SNRNP35: variants seen among roughly 807,000 people sequenced by gnomAD.
SNRNP35 encodes the protein U11/U12 small nuclear ribonucleoprotein 35 kDa protein.
In SNRNP35, 16 loss-of-function variants were observed where a neutral mutation model predicts 24.3. The ratio of observed to expected loss-of-function variants is 0.66; its 90% CI spans 0.45 to 1.00. SNRNP35 has a LOEUF of 1.00. SNRNP35 is among the 50% of genes least tolerant of loss of function. The pLI is 0.00. For missense variants in SNRNP35, 292 were observed against 327.2 expected, an observed-to-expected ratio of 0.89 and a Z score of 0.83; for synonymous variants, 106 against 124.8, an observed-to-expected ratio of 0.85 and a Z score of 1.00.
Position 123,460,982 on chromosome 12 carries a change from T to TTTTA in SNRNP35, c.-4+2766_-4+2767insTTTA, listed in dbSNP as rs1555262400. ...TTTTTTTTTTTTTTTTTTTTTTTTT[T>TTTTA]AAAAACAGAGACAGGGTCTCACCAT... is the stretch of plus-strand genomic sequence containing the variant. On this transcript the variant is annotated intron_variant, in intron 1 of 1. Transcript: ENST00000526639. 2.4e-5 allele frequency among the ~76,000 whole-genome samples: 3 copies of TTTTA among 125,492 alleles called. 1 individual carries two copies. Among genetic ancestry groups the TTTTA allele is most frequent in the Non-Finnish European group, 5.2e-5 (3 of 57,886 alleles). The allele number at this position is 125,492 out of a possible 152,430, so 82.3% of individuals were successfully genotyped here. A position where few individuals can be genotyped will look rare whatever the true frequency, so the allele number is the denominator to read the frequency against.
At position 123,458,144 on chromosome 12, in the gene SNRNP35, C is replaced by T. The variant is rs968789596; in HGVS notation, c.-76C>T. 1.0e-6 allele frequency: 1 copy of T among 985,252 alleles called. No individual in the cohort carries two copies. The highest frequency in any genetic ancestry group is 1.7e-5 in the African/African-American group (1 of 57,232). 61.0% of individuals were successfully genotyped at this position (985,252 alleles called of 1,614,324 possible). On this transcript the variant is annotated 5_prime_UTR_variant, in exon 1 of 2. Transcript: ENST00000526639. The stretch of plus-strand genomic sequence containing the variant: ...ACCAATGTAAAGGTCAGGCCGAGGC[C>T]GGCGCGGAGAATCTGCTGTCGCCTG...
At chr12:123,469,346 G>A (rs1266922756), downstream of SNRNP35, among the ~76,000 whole-genome samples, 3 of 152,042 alleles carry the variant, frequency 2.0e-5, no homozygotes, top group Non-Finnish European at 4.4e-5. Context: ...GTAGAGATGG[G>A]ATTTCTCTAT....
Position 123,458,222 on chromosome 12 carries a change from T to C in SNRNP35, c.-4+6T>C, listed in dbSNP as rs1246384656. Reference sequence around the variant, plus strand: ...GGAGCCCAAGCTTTGCAGAGGTGAGTGGAAGCGGCTTGGAAGGAGCGGGCC... The same window carrying C: ...GGAGCCCAAGCTTTGCAGAGGTGAGCGGAAGCGGCTTGGAAGGAGCGGGCC... On this transcript the variant is annotated splice_donor_region_variant and intron_variant, in intron 1 of 1. Coordinates refer to ENST00000526639, the MANE Select transcript of SNRNP35 (RefSeq NM_022717.4). The C allele has an allele frequency of 8.1e-6, 8 of 985,074 alleles. No homozygotes were observed. The South Asian group carries it at 1.9e-4, about 23-fold the overall frequency. The allele number at this position is 985,074 out of a possible 1,614,324, so 61.0% of individuals were successfully genotyped here.
At chr12:123,472,913 T>C in exon 2 of SNRNP35, 1 of 505,932 alleles carries the variant, frequency 2.0e-6, no homozygotes. Flanking sequence ...GGGCAAGGCA[T>C]GCATGCTGAT....
intron 1 of SNRNP35, among the ~76,000 whole-genome samples, chr12:123,458,543 G>C (rs1369842311): frequency 1.3e-5 from 2 of 151,978 alleles, no homozygotes; most frequent in Non-Finnish European, 2.9e-5. Flanking sequence ...GCCCTGGAGG[G>C]CTCTGTGGGT....
chr12:123,469,265 C>T (rs540908016), downstream of SNRNP35, among the ~76,000 whole-genome samples: 2 of 152,142 alleles, frequency 1.3e-5, no homozygotes, highest in South Asian at 4.2e-4. Context: ...AGCGATTCTC[C>T]TGCCTCAGCC....
Position 123,465,973 on chromosome 12 carries a change from G to GGGGGAAAAAAGGAGTCT in SNRNP35, c.437_453dup (p.Gln152GlufsTer8), listed in dbSNP as rs1566105542. ...CCCTCGGCGACTTGGAGGCGGTCTTGGGGGAAAAAAGGAGTCTGGGCAACT... is the reference window on the plus strand; with the variant it reads ...CCCTCGGCGACTTGGAGGCGGTCTTGGGGGAAAAAAGGAGTCTGGGGAAAAAAGGAGTCTGGGCAACT... On this transcript the variant is annotated frameshift_variant, in exon 2 of 2. Transcript: ENST00000526639. LOFTEE classifies it high-confidence loss of function. This position sits in a 1 kb window ranked among gnomAD's most constrained non-coding sequence, Gnocchi z 4.2. The GGGGGAAAAAAGGAGTCT allele has an allele frequency of 1.9e-6, 3 of 1,613,984 alleles. No individual in the cohort carries two copies. The highest frequency in any genetic ancestry group is 1.7e-5 in the Admixed American group (1 of 59,960).
At position 123,465,874 on chromosome 12, in the gene SNRNP35, G is replaced by A. The variant is rs774891116; in HGVS notation, c.334G>A (p.Ala112Thr). ...TGCCGTGATCAAAGCTTACCGAGAT[G>A]CTGATGGCCTGGTTATTGACCAGCA... ...ERAVIKAYRD[A>T]DGLVIDQHEI... Residue 112 changes from alanine to threonine, a missense_variant, in exon 2 of 2, where the codon GCT becomes ACT. Ala to Thr is a moderately conservative substitution (Grantham distance 58). Transcript: ENST00000526639. The surrounding 1 kb of genome is among the most constrained non-coding windows in gnomAD (Gnocchi z 4.2). The A allele has an allele frequency of 1.6e-5, 26 of 1,613,964 alleles. No homozygotes were observed. The Admixed American group carries it at 4.2e-4, about 26-fold the overall frequency.
downstream of SNRNP35, among the ~76,000 whole-genome samples, chr12:123,467,322 C>G (rs914259554): frequency 4.6e-5 from 7 of 152,158 alleles, no homozygotes; most frequent in African/African-American, 1.7e-4. Flanking sequence ...AATTAAAAAC[C>G]AAAGTTGCTG....
In SNRNP35 at chr12:123,466,583, C is replaced by G. The variant is rs146152785; in HGVS notation, c.*302C>G. 1,518 of 205,606 alleles carry G rather than the reference C, an allele frequency of 7.4e-3. 12 individuals are homozygous for G. Among genetic ancestry groups the G allele is most frequent in the African/African-American group, 0.025 (1,062 of 42,462 alleles). 12.7% of individuals were successfully genotyped at this position (205,606 alleles called of 1,614,324 possible). On this transcript the variant is annotated 3_prime_UTR_variant, in exon 2 of 2. Coordinates refer to ENST00000526639, the MANE Select transcript of SNRNP35 (RefSeq NM_022717.4). ...TTTTTTTTTGAGACAGAGTCTCACT[C>G]TGTTGCCAGGGCTGGAGTGCAGTGG...
chr12:123,461,329 T>G (rs1306075272), intron 1 of SNRNP35, among the ~76,000 whole-genome samples: 1 of 149,230 alleles, frequency 6.7e-6, no homozygotes, highest in Non-Finnish European at 1.5e-5. Context: ...GGTTTCACTG[T>G]GTTAGCCAGG....
intron 1 of SNRNP35, among the ~76,000 whole-genome samples, chr12:123,463,681 T>G (rs1167832488): frequency 1.3e-5 from 2 of 152,108 alleles, no homozygotes; most frequent in African/African-American, 4.8e-5. Flanking sequence ...ATTACAGGCG[T>G]GAGCTACCGC....
chr12:123,462,805 G>C (rs989579331), intron 1 of SNRNP35, among the ~76,000 whole-genome samples: 12 of 151,860 alleles, frequency 7.9e-5, no homozygotes, highest in African/African-American at 2.9e-4. Context: ...CAGAGGTCTT[G>C]AGTGCAGTGT....
At chr12:123,464,564 A>G (rs1190268661) in intron 1 of SNRNP35, 3 of 152,254 alleles carry the variant, frequency 2.0e-5, no homozygotes, top group Admixed American at 6.5e-5. Context: ...TTTAAGTAAC[A>G]TATTTCAGCA....
intron 1 of SNRNP35, chr12:123,464,872 T>A (rs1471722213): frequency 6.6e-6 from 1 of 152,258 alleles, no homozygotes; most frequent in Non-Finnish European, 1.5e-5. Context: ...TACTACAGAA[T>A]GGTGCATCCA....
downstream of SNRNP35, among the ~76,000 whole-genome samples, chr12:123,468,888 T>G (rs752408417): frequency 7.6e-4 from 115 of 152,270 alleles, 3 homozygotes; most frequent in Middle Eastern, 0.01. Context: ...CTGTAGACTT[T>G]TGTGTGTGTG....
downstream of SNRNP35, among the ~76,000 whole-genome samples, chr12:123,467,681 G>A (rs1002216152): frequency 2.6e-5 from 4 of 152,134 alleles, no homozygotes; most frequent in African/African-American, 7.2e-5. Flanking sequence ...CTAGGTTTTC[G>A]CATAGGAGTA....
At chr12:123,460,981 T>TA (rs1880585551) in intron 1 of SNRNP35, among the ~76,000 whole-genome samples, 6 of 142,736 alleles carry the variant, frequency 4.2e-5, no homozygotes, top group South Asian at 4.5e-4. Flanking sequence ...TTTTTTTTTT[T>TA]TAAAAACAGA....
At chr12:123,458,428 G>A (rs1352348705) in intron 1 of SNRNP35, among the ~76,000 whole-genome samples, 1 of 103,126 alleles carries the variant, frequency 9.7e-6, no homozygotes, top group African/African-American at 2.7e-5. Flanking sequence ...AAGGAGAGGG[G>A]CGGGGGAGCG....
Sources: gnomAD v4.1 joint callset for allele counts (sites outside exome capture counted in the v4.1 genomes callset) on GRCh38, gnomAD v4.1.1 for gene constraint, Gnocchi (gnomAD v3.1) non-coding constraint, MANE v1.5 for transcripts, NCBI Gene and HGNC (gene_info 2026-07-23, HGNC 2026-07-21) for gene names.